RBFOX1: variants seen among roughly 807,000 people sequenced by gnomAD.
RBFOX1 encodes RNA binding protein fox-1 homolog 1.
In RBFOX1, 8 loss-of-function variants were observed where a neutral mutation model predicts 57.7. The ratio of observed to expected loss-of-function variants is 0.14; its 90% CI spans 0.08 to 0.25. RBFOX1 has a LOEUF of 0.25. Among genes scored for constraint, RBFOX1 ranks in the 10% least tolerant of loss-of-function variants. The pLI is 1.00. For synonymous variants in RBFOX1, 326 were observed against 222.4 expected (o/e 1.47, Z -4.15); for missense variants, 611 against 548.5 (o/e 1.11, Z -1.14).
chr16:7,147,852 G>C (rs2075333333), intron 4 of RBFOX1, among the ~76,000 whole-genome samples: 1 of 152,184 alleles, frequency 6.6e-6, no homozygotes, highest in Non-Finnish European at 1.5e-5. Context: ...GGATTGCTGG[G>C]TTGAATGGTA....
intron 3 of RBFOX1, among the ~76,000 whole-genome samples, chr16:6,955,397 C>T (rs950585986): frequency 1.3e-5 from 2 of 151,770 alleles, no homozygotes; most frequent in Non-Finnish European, 2.9e-5. Context: ...CACTCAAAAC[C>T]CCTGTGTTCT....
At chr16:6,227,959 A>C (rs2097429983) in intron 1 of RBFOX1, among the ~76,000 whole-genome samples, 1 of 152,196 alleles carries the variant, frequency 6.6e-6, no homozygotes, top group African/African-American at 2.4e-5. Flanking sequence ...AAGAAAATGA[A>C]ATCAATATAT....
chr16:5,447,907 C>T (rs2151556915), intron 1 of RBFOX1, among the ~76,000 whole-genome samples: 1 of 152,302 alleles, frequency 6.6e-6, no homozygotes, highest in East Asian at 1.9e-4. Context: ...CTCCATGCTG[C>T]TCTGGCCTTT....
At chr16:5,747,610 A>T (rs2053037145) in intron 3 of RBFOX1, among the ~76,000 whole-genome samples, 1 of 152,030 alleles carries the variant, frequency 6.6e-6, no homozygotes, top group South Asian at 2.1e-4. Flanking sequence ...TAGTCTTGGG[A>T]GGGTGTATGT....
intron 3 of RBFOX1, among the ~76,000 whole-genome samples, chr16:6,772,431 TG>T (rs201434758): frequency 0.015 from 2,345 of 152,120 alleles, 66 homozygotes; most frequent in African/African-American, 0.053. Flanking sequence ...CGTGCGTGTG[TG>T]TGTGTGTGTG....
At chr16:7,183,013 G>T (rs2152535065) in intron 4 of RBFOX1, among the ~76,000 whole-genome samples, 1 of 152,254 alleles carries the variant, frequency 6.6e-6, no homozygotes, top group East Asian at 1.9e-4. Context: ...TTAGAACAAT[G>T]CCTGACACAT....
rs562469147 is a variant in RBFOX1 at position 6,077,878 on chromosome 16, C to T, written c.-127+57886C>T. 4.6e-5 allele frequency among the ~76,000 whole-genome samples: 7 copies of T among 152,138 alleles called. No homozygotes were observed. In the South Asian group the frequency reaches 1.5e-3, roughly 32 times the overall value. ...AGCTTGCATGATATGACGGTTGTGA[C>T]TAATGTTAGGAACATCCAAGGAGTA... On this transcript the variant is annotated intron_variant, in intron 1 of 15. Transcript: ENST00000550418.
At chr16:5,945,321 G>A (rs1478298109) in intron 4 of RBFOX1, among the ~76,000 whole-genome samples, 1 of 152,188 alleles carries the variant, frequency 6.6e-6, no homozygotes, top group Admixed American at 6.5e-5. Flanking sequence ...TCATCGTTGA[G>A]GAACAAGGGG....
Position 6,965,999 on chromosome 16 carries a change from A to G in RBFOX1, c.-15-86058A>G, listed in dbSNP as rs150052302. 6.1e-3 allele frequency among the ~76,000 whole-genome samples: 923 copies of G among 152,272 alleles called. 14 individuals are homozygous for G. Among genetic ancestry groups the G allele is most frequent in the African/African-American group, 0.021 (875 of 41,542 alleles). On this transcript the variant is annotated intron_variant, in intron 3 of 15. Coordinates refer to ENST00000550418, the MANE Select transcript of RBFOX1 (RefSeq NM_018723.4). ...CTTTGGAATGGGGAGTAAATGCTCAAAATGGAGCGTATCATAGAAAATCGG... is the reference window on the plus strand; with the variant it reads ...CTTTGGAATGGGGAGTAAATGCTCAGAATGGAGCGTATCATAGAAAATCGG...
chr16:5,860,692 T>G (rs2057191139), intron 3 of RBFOX1, among the ~76,000 whole-genome samples: 1 of 152,284 alleles, frequency 6.6e-6, no homozygotes, highest in South Asian at 2.1e-4. Context: ...ATTTCTAGTG[T>G]CCACTAGTCT....
At chr16:7,336,251 C>A (rs2096784932) in intron 4 of RBFOX1, among the ~76,000 whole-genome samples, 1 of 152,190 alleles carries the variant, frequency 6.6e-6, no homozygotes, top group South Asian at 2.1e-4. Flanking sequence ...AGCTTTGTAA[C>A]TGGTTAGGCT....
chr16:6,861,863 G>T (rs1043309790), intron 3 of RBFOX1, among the ~76,000 whole-genome samples: 1 of 93,068 alleles, frequency 1.1e-5, no homozygotes, highest in African/African-American at 4.4e-5. Flanking sequence ...TTTTGGTCTA[G>T]CTTGCACTTT....
intron 4 of RBFOX1, among the ~76,000 whole-genome samples, chr16:5,899,086 C>A (rs897118983): frequency 6.7e-6 from 1 of 148,694 alleles, no homozygotes; most frequent in African/African-American, 2.5e-5. Flanking sequence ...GATCACAAGC[C>A]CTTCTCAGTA....
At position 5,307,057 on chromosome 16, in the gene RBFOX1, G is replaced by A. The variant is rs184233963; in HGVS notation, c.219+66952G>A. Among the ~76,000 whole-genome samples the A allele has an allele frequency of 5.3e-5, 8 of 152,112 alleles. No homozygotes were observed. The East Asian group carries it at 1.5e-3, about 29-fold the overall frequency. ...TTTTCACTTCAACTTAAGCTTCTCC[G>A]TGGTGGGGGGTGGAGTGGGGGAGCA... On this transcript the variant is annotated intron_variant, in intron 1 of 2. Transcript: ENST00000585867.
At chr16:5,540,952 T>G (rs1456008416) in intron 2 of RBFOX1, among the ~76,000 whole-genome samples, 1 of 152,102 alleles carries the variant, frequency 6.6e-6, no homozygotes, top group Non-Finnish European at 1.5e-5. Context: ...CTGGTTCATG[T>G]GATTGTCCTG....
Position 7,023,959 on chromosome 16 carries a change from A to G in RBFOX1, c.-15-28098A>G, listed in dbSNP as rs1036802851. On this transcript the variant is annotated intron_variant, in intron 3 of 15. Transcript: ENST00000550418. Reference sequence around the variant, plus strand: ...GATTCCCATGAGGGCAATAGCTGTCACTCTCCTAGGGGATGTTTTGATAAG... The same window carrying G: ...GATTCCCATGAGGGCAATAGCTGTCGCTCTCCTAGGGGATGTTTTGATAAG... Among the ~76,000 whole-genome samples the G allele has an allele frequency of 1.3e-5, 2 of 151,938 alleles. 1 individual carries two copies. Among genetic ancestry groups the G allele is most frequent in the Non-Finnish European group, 2.9e-5 (2 of 67,986 alleles).
intron 4 of RBFOX1, among the ~76,000 whole-genome samples, chr16:5,895,414 C>G (rs1446666748): frequency 6.6e-6 from 1 of 152,216 alleles, no homozygotes; most frequent in African/African-American, 2.4e-5. Context: ...TTAGTCAACT[C>G]ATGGCTGGAC....
rs115842407 is a variant in RBFOX1, at chr16:6,475,987, A to G, written c.-64+158930A>G. Among the ~76,000 whole-genome samples the G allele has an allele frequency of 3.8e-3, 585 of 152,234 alleles. 2 individuals are homozygous for G. Among genetic ancestry groups the G allele is most frequent in the East Asian group, 0.025 (130 of 5,180 alleles). On this transcript the variant is annotated intron_variant, in intron 2 of 15. Coordinates refer to ENST00000550418, the MANE Select transcript of RBFOX1 (RefSeq NM_018723.4). ...AATTAGATGCTGGAGTTTTCCAGAA[A>G]TGTTAGGTGGGCATAAACCAAACCT...
At chr16:6,131,908 A>G (rs952205450) in intron 1 of RBFOX1, among the ~76,000 whole-genome samples, 1 of 152,222 alleles carries the variant, frequency 6.6e-6, no homozygotes, top group Non-Finnish European at 1.5e-5. Flanking sequence ...AAAATTCACA[A>G]AACACTTTGT....
Sources: allele counts gnomAD v4.1 joint callset (sites outside exome capture counted in the v4.1 genomes callset), GRCh38; gene constraint gnomAD v4.1.1; transcripts MANE v1.5; gene names NCBI Gene and HGNC (gene_info 2026-07-23, HGNC 2026-07-21).